PYY: variants seen among roughly 807,000 people sequenced by gnomAD.
PYY encodes peptide tyrosine tyrosine.
PYY carries 12 observed loss-of-function variants against 10.3 expected under a neutral mutation model. The observed-to-expected ratio is 1.17, with a 90% CI of 0.75 to 1.89. PYY has a LOEUF of 1.89. PYY is among the 40% of genes most tolerant of loss of function. The pLI is 0.00. For missense variants in PYY, 141 were observed against 134.0 expected (o/e 1.05, Z -0.26); for synonymous variants, 66 against 62.0 (o/e 1.06, Z -0.30).
chr17:44,000,978 G>A (rs1345879006), intron 1 of PYY, among the ~76,000 whole-genome samples: 1 of 152,156 alleles, frequency 6.6e-6, no homozygotes, highest in Non-Finnish European at 1.5e-5. Context: ...TGTGGCTGGT[G>A]TGGGTCTCCA....
upstream of PYY, among the ~76,000 whole-genome samples, chr17:43,956,047 G>C (rs1370429014): frequency 6.6e-6 from 1 of 152,096 alleles, no homozygotes; most frequent in African/African-American, 2.4e-5. Context: ...TGGCCATGGG[G>C]AATCTGACAT....
chr17:43,982,455 A>G (rs1390128201), intron 1 of PYY, among the ~76,000 whole-genome samples: 1 of 152,268 alleles, frequency 6.6e-6, no homozygotes, highest in Non-Finnish European at 1.5e-5. Flanking sequence ...ACTTAACTAC[A>G]GTGTGAACCA....
At chr17:43,981,505 T>G (rs4793062) in intron 1 of PYY, among the ~76,000 whole-genome samples, 37,042 of 151,942 alleles carry the variant, frequency 0.24, 5,556 homozygotes, top group East Asian at 0.61. Flanking sequence ...TTGTTTGTTT[T>G]TTTTTTGACA....
chr17:43,956,797 A>G (rs1325333577), upstream of PYY, among the ~76,000 whole-genome samples: 1 of 152,172 alleles, frequency 6.6e-6, no homozygotes, highest in East Asian at 1.9e-4. Flanking sequence ...CTCCCCACAC[A>G]CAAGGCCTCA....
chr17:43,970,505 TA>T (rs74436025), intron 1 of PYY, among the ~76,000 whole-genome samples: 3,291 of 132,246 alleles, frequency 0.025, 94 homozygotes, highest in African/African-American at 0.077. Context: ...AGACCCTGTC[TA>T]AAAAAAAAAA....
intron 1 of PYY, among the ~76,000 whole-genome samples, chr17:43,985,551 A>G (rs2048910901): frequency 6.6e-6 from 1 of 152,200 alleles, no homozygotes; most frequent in African/African-American, 2.4e-5. Flanking sequence ...ACAACACAGT[A>G]ACACCCTCAC....
intron 1 of PYY, among the ~76,000 whole-genome samples, chr17:43,996,936 G>A (rs925876084): frequency 3.3e-5 from 5 of 152,050 alleles, no homozygotes; most frequent in African/African-American, 1.2e-4. Context: ...CAATGTACCT[G>A]CCTCAGCCTC....
chr17:43,967,031 G>A lies in PYY; in HGVS notation c.-462-499C>T, dbSNP rs537369489. ...AAGAAGAAAGCAAAAGGCCAGACGCGGTGGCTCACACCTCTAATCCTAGCA... is the reference window on the plus strand; with the variant it reads ...AAGAAGAAAGCAAAAGGCCAGACGCAGTGGCTCACACCTCTAATCCTAGCA... On this transcript the variant is annotated intron_variant, in intron 1 of 6. Coordinates refer to the PYY transcript ENST00000360085. Among the ~76,000 whole-genome samples the A allele has an allele frequency of 5.3e-5, 8 of 152,162 alleles. No homozygotes were observed. The South Asian group carries it at 1.0e-3, about 20-fold the overall frequency.
chr17:43,985,292 C>T (rs1381492587), intron 1 of PYY, among the ~76,000 whole-genome samples: 12 of 152,082 alleles, frequency 7.9e-5, no homozygotes, highest in Non-Finnish European at 1.5e-4. Context: ...CTCATTGCAA[C>T]CTCAATTTCC....
chr17:43,985,950 G>C (rs111976820), intron 1 of PYY, among the ~76,000 whole-genome samples: 10 of 152,276 alleles, frequency 6.6e-5, no homozygotes, highest in African/African-American at 2.4e-4. Context: ...AAAGTCTGTA[G>C]AGGTATTCTA....
chr17:43,978,035 C>T (rs1024284019), intron 1 of PYY, among the ~76,000 whole-genome samples: 3 of 150,538 alleles, frequency 2.0e-5, no homozygotes, highest in Non-Finnish European at 4.4e-5. Context: ...CCCGTTTCTA[C>T]AAAAAAACAA....
intron 1 of PYY, among the ~76,000 whole-genome samples, chr17:43,979,030 C>T (rs982863669): frequency 6.6e-6 from 1 of 152,124 alleles, no homozygotes; most frequent in Non-Finnish European, 1.5e-5. Flanking sequence ...TTGGGCCATG[C>T]GATGAGTGTC....
intron 2 of PYY, among the ~76,000 whole-genome samples, chr17:43,959,740 A>G (rs1246099969): frequency 2.6e-5 from 4 of 152,272 alleles, no homozygotes; most frequent in Non-Finnish European, 5.9e-5. Flanking sequence ...GAAGCCTGAA[A>G]TTAGATACTG....
At position 43,953,871 on chromosome 17, in the gene PYY, C is replaced by CGAGCAGGAGGTGG. The variant is rs1197585801; in HGVS notation, c.-35_-23dup. ...TCACAGCGATAGCTTGTGAAGCAGA[C>CGAGCAGGAGGTGG]GAGCAGGAGGTGGAAGGCGAGGGAA... is the stretch of plus-strand genomic sequence containing the variant. On this transcript the variant is annotated 5_prime_UTR_variant, in exon 1 of 4. Coordinates refer to ENST00000692052, the MANE Select transcript of PYY (RefSeq NM_001394028.1). 5.9e-6 allele frequency: 1 copy of CGAGCAGGAGGTGG among 169,782 alleles called. No homozygotes were observed. Among genetic ancestry groups the CGAGCAGGAGGTGG allele is most frequent in the Non-Finnish European group, 1.3e-5 (1 of 78,588 alleles). 10.5% of individuals were successfully genotyped at this position (169,782 alleles called of 1,614,324 possible).
chr17:43,985,451 G>A (rs2048909550), intron 1 of PYY, among the ~76,000 whole-genome samples: 1 of 152,184 alleles, frequency 6.6e-6, no homozygotes, highest in Non-Finnish European at 1.5e-5. Context: ...GTCCTCAAGA[G>A]ATCCTCGGCC....
chr17:43,957,225 A>G (rs972992032), upstream of PYY, among the ~76,000 whole-genome samples: 9 of 151,784 alleles, frequency 5.9e-5, no homozygotes, highest in East Asian at 1.9e-4. Context: ...AAGTAATTCA[A>G]TCCTCATTCA....
At chr17:43,957,675 A>G (rs1013389591), upstream of PYY, among the ~76,000 whole-genome samples, 1 of 152,148 alleles carries the variant, frequency 6.6e-6, no homozygotes, top group Non-Finnish European at 1.5e-5. Flanking sequence ...GAATAAATAC[A>G]TAAATAAATA....
chr17:43,952,909 A>C lies in PYY; in HGVS notation c.*47T>G. On this transcript the variant is annotated 3_prime_UTR_variant, in exon 4 of 4. Transcript: ENST00000692052. ...TCTGGGGTCGGGAGTGCGTATGCAA[A>C]TGACGTGGGCGTGGTTGGCAGATCT... 1 of 1,522,012 alleles carries C rather than the reference A, an allele frequency of 6.6e-7. No homozygotes were observed. The allele number at this position is 1,522,012 out of a possible 1,614,324, so 94.3% of individuals were successfully genotyped here.
intron 2 of PYY, among the ~76,000 whole-genome samples, chr17:43,960,100 A>G (rs1211269716): frequency 2.0e-5 from 3 of 152,214 alleles, no homozygotes; most frequent in Admixed American, 2.0e-4. Flanking sequence ...AATAGATACC[A>G]AATAGCGGTA....
Sources: gnomAD v4.1 joint callset for allele counts (sites outside exome capture counted in the v4.1 genomes callset) on GRCh38, gnomAD v4.1.1 for gene constraint, MANE v1.5 for transcripts, NCBI Gene and HGNC (gene_info 2026-07-23, HGNC 2026-07-21) for gene names.